TMEM120A: variants seen among roughly 807,000 people sequenced by gnomAD.
The protein encoded by TMEM120A is transmembrane protein 120A, also known as ion channel TACAN.
Under a neutral mutation model 54.3 loss-of-function variants are expected in TMEM120A, and 45 were observed. The observed-to-expected ratio is 0.83, with a 90% CI of 0.65 to 1.06. The LOEUF (loss-of-function observed/expected upper bound fraction) is 1.06, where lower values mean the gene tolerates loss of function less well. TMEM120A is among the 50% of genes least tolerant of loss of function. TMEM120A has a pLI of 0.00. For missense variants in TMEM120A, 424 were observed against 441.7 expected, an observed-to-expected ratio of 0.96 and a Z score of 0.36; for synonymous variants, 204 against 178.5, an observed-to-expected ratio of 1.14 and a Z score of -1.14.
rs1230147209 is a variant in TMEM120A, at chr7:75,987,326, C to A, written c.918+34G>T. ...GGTGAGGGCTGGACATGGGCCTGGC[C>A]CCCCATCCATCCTGTCCAGGGACCC... On this transcript the variant is annotated intron_variant, in intron 11 of 11. Coordinates refer to ENST00000493111, the MANE Select transcript of TMEM120A (RefSeq NM_031925.3). The A allele has an allele frequency of 2.6e-6, 4 of 1,566,888 alleles. No individual in the cohort carries two copies. In the South Asian group the frequency reaches 3.5e-5, roughly 14 times the overall value.
intron 3 of TMEM120A, among the ~76,000 whole-genome samples, chr7:75,990,368 C>A (rs1789792736): frequency 6.6e-6 from 1 of 152,162 alleles, no homozygotes; most frequent in African/African-American, 2.4e-5. Context: ...CACCCTCCAT[C>A]CCCCACTAGC....
intron 1 of TMEM120A, 61 bp from the exon 2 acceptor site, chr7:75,992,618 G>C: frequency 3.1e-6 from 4 of 1,276,214 alleles, no homozygotes; most frequent in Non-Finnish European, 3.3e-6. Flanking sequence ...GAGCCTGCAG[G>C]CAGGACGTGG....
chr7:75,994,344 GGGGCCTCGCCCCCCTTGGCAGTGACGCCA>G, intron 1 of TMEM120A, 117 bp downstream of exon 1: 1 of 679,280 alleles, frequency 1.5e-6, no homozygotes, highest in Non-Finnish European at 2.4e-6. Flanking sequence ...ACCAGGACCA[GGGGCCTCGCCCCCCTTGGCAGTGACGCCA>G]GGGCCCCGAC....
chr7:75,991,837 G>A (rs1389001182), intron 3 of TMEM120A, among the ~76,000 whole-genome samples: 2 of 152,046 alleles, frequency 1.3e-5, no homozygotes, highest in African/African-American at 4.8e-5. Flanking sequence ...GAGCCACCAC[G>A]CCCGGCCCAC....
chr7:75,988,195 C>G (rs372363121), intron 6 of TMEM120A, 47 bp from the exon 7 acceptor site: 2 of 1,611,520 alleles, frequency 1.2e-6, no homozygotes, highest in East Asian at 2.2e-5. Flanking sequence ...TCCTGCTTCC[C>G]GGAGGGTCCT....
At chr7:75,994,318 G>A (rs1789971538) in intron 1 of TMEM120A, among the ~76,000 whole-genome samples, 172 bp downstream of exon 1, 1 of 152,116 alleles carries the variant, frequency 6.6e-6, no homozygotes, top group South Asian at 2.1e-4. Flanking sequence ...GGACACTGGA[G>A]GTGGTGGCAG....
chr7:75,987,398 A>G lies in TMEM120A; in HGVS notation c.880T>C (p.Phe294Leu). 1.3e-6 allele frequency: 2 copies of G among 1,565,734 alleles called. No homozygotes were observed. The highest frequency in any genetic ancestry group is 1.2e-5 in the South Asian group (1 of 85,346). ...FWQLFNALTLFNLAQDPQCKE... is the reference protein window; with the variant it reads ...FWQLFNALTLLNLAQDPQCKE... Reference sequence around the variant, plus strand: ...CACTGAGGGTCCTGGGCCAGGTTGAACAACGTCAGCGCGTTAAAAAGCTGC... The same window carrying G: ...CACTGAGGGTCCTGGGCCAGGTTGAGCAACGTCAGCGCGTTAAAAAGCTGC... Residue 294 changes from phenylalanine (F) to leucine (L), a missense_variant, in exon 11 of 12, where the codon TTC (phenylalanine) becomes CTC (leucine). Physicochemically the swap from Phe to Leu is conservative, Grantham distance 22 (BLOSUM62 0). Transcript: ENST00000493111.
At chr7:75,994,445 C>G (rs1445306640) in intron 1 of TMEM120A, 45 bp downstream of exon 1, 10 of 1,519,540 alleles carry the variant, frequency 6.6e-6, no homozygotes, top group Middle Eastern at 1.7e-4. Context: ...CCTGAGCCAG[C>G]GAGACGCGGC....
chr7:75,990,079 C>T (rs1438341581), intron 3 of TMEM120A, among the ~76,000 whole-genome samples: 7 of 152,162 alleles, frequency 4.6e-5, no homozygotes, highest in African/African-American at 1.4e-4. Flanking sequence ...GACAGCCATG[C>T]TTCTCCCTCT....
intron 1 of TMEM120A, among the ~76,000 whole-genome samples, chr7:75,993,356 C>G (rs1789920946): frequency 6.6e-6 from 1 of 152,238 alleles, no homozygotes; most frequent in Non-Finnish European, 1.5e-5. Context: ...CCTAGAGCCT[C>G]CTGCTCTAAG....
intron 3 of TMEM120A, among the ~76,000 whole-genome samples, chr7:75,990,161 G>A (rs1410784790): frequency 2.6e-5 from 4 of 152,074 alleles, no homozygotes; most frequent in East Asian, 1.9e-4. Flanking sequence ...ACCAGGCTGC[G>A]GATGTGTCCC....
chr7:75,992,515 TG>T lies in TMEM120A; in HGVS notation c.123del (p.Lys42AsnfsTer24), dbSNP rs1554562101. The T allele has an allele frequency of 1.3e-6, 2 of 1,592,240 alleles. No homozygotes were observed. Among genetic ancestry groups the T allele is most frequent in the South Asian group, 1.1e-5 (1 of 87,974 alleles). On this transcript the variant is annotated frameshift_variant, in exon 2 of 12. Transcript: ENST00000493111. LOFTEE classifies it high-confidence loss of function. ...RLYRLKLEEL[T>X]KLQNNCTSSI... ...GAGCTGGTGCAATTGTTCTGAAGTT[TG>T]GTCAGCTCCTCCAGCTTCAGGCGGT...
chr7:75,993,474 C>A (rs1022368084), intron 1 of TMEM120A, among the ~76,000 whole-genome samples: 57 of 152,244 alleles, frequency 3.7e-4, no homozygotes, highest in African/African-American at 1.2e-3. Context: ...GGGCAAGGGG[C>A]AGTGTGAGGA....
intron 3 of TMEM120A, among the ~76,000 whole-genome samples, chr7:75,991,288 C>T (rs1439522641): frequency 3.3e-5 from 5 of 152,336 alleles, no homozygotes; most frequent in Admixed American, 3.3e-4. Flanking sequence ...AGCCTCTGAT[C>T]TCTTGGCTGC....
At position 75,989,191 on chromosome 7, in the gene TMEM120A, G is replaced by A. The variant is rs781928447; in HGVS notation, c.351C>T (p.Asn117=). The change falls in exon 4 of 12, where the codon AAC becomes AAT. Residue 117 remains asparagine (N), a synonymous_variant. Transcript: ENST00000493111. ...LYLSLVLGNV[N]VTLLSKQAKF... ...TAGCCTGCTTGCTCAGGAGCGTGAC[G>A]TTGACGTTCCCCAGAACCAGGCTCA... 105 of 1,563,410 alleles carry A rather than the reference G, an allele frequency of 6.7e-5. No homozygotes were observed. Among genetic ancestry groups the A allele is most frequent in the South Asian group, 4.7e-4 (40 of 84,938 alleles).
At chr7:75,992,959 T>C (rs1789907995) in intron 1 of TMEM120A, among the ~76,000 whole-genome samples, 1 of 152,188 alleles carries the variant, frequency 6.6e-6, no homozygotes, top group Admixed American at 6.5e-5. Flanking sequence ...CCTGCCATCA[T>C]GCCTGGCTAA....
Position 75,987,586 on chromosome 7 carries a change from C to T in TMEM120A, c.801G>A (p.Trp267Ter), listed in dbSNP as rs781935263. The T allele has an allele frequency of 1.1e-5, 18 of 1,608,558 alleles. No homozygotes were observed. The highest frequency in any genetic ancestry group is 1.4e-5 in the Non-Finnish European group (17 of 1,178,002). ...MDLTVEGFQS[W>*]MWRGLTFLLP... ...GCAGGAAGGTGAGGCCCCGCCACAT[C>T]CAGGACTGGAAGCCCTCTGCGGGGA... Residue 267 changes from tryptophan to a stop codon, truncating the protein, a stop_gained, in exon 10 of 12, where the codon TGG becomes TGA. Coordinates refer to ENST00000493111, the MANE Select transcript of TMEM120A (RefSeq NM_031925.3). LOFTEE classifies it high-confidence loss of function.
At chr7:75,992,596 G>A (rs1554562139) in intron 1 of TMEM120A, 39 bp from the exon 2 acceptor site, 3 of 1,468,392 alleles carry the variant, frequency 2.0e-6, no homozygotes, top group Non-Finnish European at 2.8e-6. Flanking sequence ...CAGTTGGGGA[G>A]CTACTGAGCC....
In TMEM120A at chr7:75,988,167, A is replaced by ATCACCCCCAGCGCCTGTTCCTGCT. The variant is rs1789622505; in HGVS notation, c.564-43_564-20dup. 1.9e-6 allele frequency: 3 copies of ATCACCCCCAGCGCCTGTTCCTGCT among 1,611,020 alleles called. No homozygotes were observed. The African/African-American group carries it at 4.0e-5, about 21-fold the overall frequency. On this transcript the variant is annotated intron_variant, in intron 6 of 11. Coordinates refer to ENST00000493111, the MANE Select transcript of TMEM120A (RefSeq NM_031925.3). ...TTTGATCCTGGAGCAGAGAGCCACC[A>ATCACCCCCAGCGCCTGTTCCTGCT]TCACCCCCAGCGCCTGTTCCTGCTT...
Sources: allele counts gnomAD v4.1 joint callset (sites outside exome capture counted in the v4.1 genomes callset), GRCh38; gene constraint gnomAD v4.1.1; transcripts MANE v1.5; gene names NCBI Gene and HGNC (gene_info 2026-07-23, HGNC 2026-07-21).